Variants in SLC20A1 observed in about 807,000 individuals in gnomAD.
SLC20A1 encodes sodium-dependent phosphate transporter 1.
In SLC20A1, 28 loss-of-function variants were observed where a neutral mutation model predicts 62.7. The ratio of observed to expected loss-of-function variants is 0.45; its 90% CI spans 0.33 to 0.61. The LOEUF (loss-of-function observed/expected upper bound fraction) is 0.61. SLC20A1 is among the 20% of genes least tolerant of loss of function. The pLI is 0.02. For missense variants in SLC20A1, 673 were observed against 838.6 expected (o/e 0.80, Z 2.44); for synonymous variants, 305 against 302.9 (o/e 1.01, Z -0.07).
At position 112,647,465 on chromosome 2, in the gene SLC20A1, G is replaced by T. The variant is rs865868987; in HGVS notation, c.475+1G>T. 1 of 1,608,890 alleles carries T rather than the reference G, an allele frequency of 6.2e-7. No homozygotes were observed. The highest frequency in any genetic ancestry group is 8.5e-7 in the Non-Finnish European group (1 of 1,178,628). On this transcript the variant is annotated splice_donor_variant, in intron 3 of 10. Coordinates refer to ENST00000272542, the MANE Select transcript of SLC20A1 (RefSeq NM_005415.5). LOFTEE classifies it high-confidence loss of function. ...AAGTGGTCTGAACTGATAAAAATTGGTATGTTTAATTCCAAACGGCTTCTT... is the reference window on the plus strand; with the variant it reads ...AAGTGGTCTGAACTGATAAAAATTGTTATGTTTAATTCCAAACGGCTTCTT...
chr2:112,662,551 G>C (rs895320794), intron 10 of SLC20A1, among the ~76,000 whole-genome samples: 2 of 152,214 alleles, frequency 1.3e-5, no homozygotes, highest in Non-Finnish European at 2.9e-5. Flanking sequence ...CTGTACTCCA[G>C]CCTGGGCGAC....
At chr2:112,660,976 G>A (rs906477376) in intron 9 of SLC20A1, 166 bp from the exon 10 acceptor site, 3 of 509,248 alleles carry the variant, frequency 5.9e-6, no homozygotes, top group Non-Finnish European at 1.0e-5. Context: ...GGCATCTGTG[G>A]CCTGATTTAA....
Position 112,646,810 on chromosome 2 carries a change from A to T in SLC20A1, c.-19A>T, listed in dbSNP as rs766390210. 6.3e-7 allele frequency: 1 copy of T among 1,584,196 alleles called. No homozygotes were observed. Among genetic ancestry groups the T allele is most frequent in the Non-Finnish European group, 8.6e-7 (1 of 1,161,134 alleles). ...AGGCGCTCAGTAGTTCTCTTACTAA[A>T]CAACCACTACTCCAGAGAATGGCAA... On this transcript the variant is annotated 5_prime_UTR_variant, in exon 2 of 11. Transcript: ENST00000272542.
Position 112,659,052 on chromosome 2 carries a change from G to A in SLC20A1, c.1006G>A (p.Val336Met), listed in dbSNP as rs758464142. 20 of 1,614,164 alleles carry A rather than the reference G, an allele frequency of 1.2e-5. No homozygotes were observed. The highest frequency in any genetic ancestry group is 1.4e-5 in the Non-Finnish European group (16 of 1,180,034). Residue 336 changes from valine (V) to methionine (M), a missense_variant, in exon 7 of 11, where the codon GTG becomes ATG. Coordinates refer to ENST00000272542, the MANE Select transcript of SLC20A1 (RefSeq NM_005415.5). ...EAPERERLPS[V>M]DLKEETSIDS... ...TCCAGAGAGAGAGAGGCTTCCCAGC[G>A]TGGACTTGAAAGAGGAAACCAGCAT...
At chr2:112,653,048 T>C (rs1686483502) in intron 5 of SLC20A1, 3 of 815,818 alleles carry the variant, frequency 3.7e-6, no homozygotes, top group Non-Finnish European at 3.9e-6. Context: ...GATCCACTGA[T>C]AATATGATCA....
chr2:112,650,989 T>A (rs1418711448), intron 4 of SLC20A1, among the ~76,000 whole-genome samples: 1 of 152,248 alleles, frequency 6.6e-6, no homozygotes, highest in East Asian at 1.9e-4. Context: ...CTAATCTTGT[T>A]GACTGCCCTC....
At chr2:112,650,005 T>C (rs1686392383) in intron 4 of SLC20A1, among the ~76,000 whole-genome samples, 1 of 152,122 alleles carries the variant, frequency 6.6e-6, no homozygotes, top group Non-Finnish European at 1.5e-5. Context: ...TCCTAGACTC[T>C]CTGGAACTTT....
intron 6 of SLC20A1, 86 bp from the exon 7 acceptor site, chr2:112,658,739 G>A: frequency 7.0e-7 from 1 of 1,431,724 alleles, no homozygotes; most frequent in Non-Finnish European, 9.4e-7. Context: ...TTTGAGATGA[G>A]TTTTTTGGGG....
chr2:112,651,188 T>C (rs1479087062), intron 4 of SLC20A1, among the ~76,000 whole-genome samples: 1 of 152,230 alleles, frequency 6.6e-6, no homozygotes, highest in East Asian at 1.9e-4. Context: ...GTACCTTTAC[T>C]TTACACATGG....
rs116332872 is a variant in SLC20A1 at position 112,661,350 on chromosome 2, G to A, written c.1878+124G>A. 79 of 626,796 alleles carry A rather than the reference G, an allele frequency of 1.3e-4. No homozygotes were observed. In the African/African-American group the frequency reaches 1.4e-3, roughly 11 times the overall value. The allele number at this position is 626,796 out of a possible 1,614,324, so 38.8% of individuals were successfully genotyped here. On this transcript the variant is annotated intron_variant, in intron 10 of 10. Coordinates refer to ENST00000272542, the MANE Select transcript of SLC20A1 (RefSeq NM_005415.5). ...AGTTGGAGTCTTGAAGAGTTCATAA[G>A]TTATTTCTTGTGTTTATTCTTATTT...
chr2:112,660,531 C>T lies in SLC20A1; in HGVS notation c.1752C>T (p.Ile584=). The change falls in exon 9 of 11, where the codon ATC becomes ATT. Residue 584 remains isoleucine, a synonymous_variant. Coordinates refer to ENST00000272542, the MANE Select transcript of SLC20A1 (RefSeq NM_005415.5). ...TGTGGGTTTGGGGAAGAAGAGTTAT[C>T]CAGACCATGGGGAAGGATCTGACAC... is the stretch of plus-strand genomic sequence containing the variant. ...VGLWVWGRRV[I]QTMGKDLTPI... is the part of the protein sequence containing the mutation. 1 of 1,614,068 alleles carries T rather than the reference C, an allele frequency of 6.2e-7. No individual in the cohort carries two copies. Among genetic ancestry groups the T allele is most frequent in the Non-Finnish European group, 8.5e-7 (1 of 1,180,012 alleles).
At chr2:112,655,024 A>G (rs1420966407) in intron 5 of SLC20A1, among the ~76,000 whole-genome samples, 1 of 127,500 alleles carries the variant, frequency 7.8e-6, no homozygotes, top group East Asian at 2.6e-4. Flanking sequence ...GTTGGAGTGC[A>G]GTGGTGCGAA....
At chr2:112,660,081 G>A (rs752457159) in intron 8 of SLC20A1, among the ~76,000 whole-genome samples, 17 of 152,216 alleles carry the variant, frequency 1.1e-4, no homozygotes, top group Non-Finnish European at 1.8e-4. Flanking sequence ...AAACTTAAAA[G>A]TTTTTCATAT....
At position 112,659,674 on chromosome 2, in the gene SLC20A1, G is replaced by T. The variant is rs780482482; in HGVS notation, c.1519G>T (p.Asp507Tyr). Residue 507 changes from aspartate to tyrosine, a missense_variant, in exon 8 of 11, where the codon GAT becomes TAT. Coordinates refer to ENST00000272542, the MANE Select transcript of SLC20A1 (RefSeq NM_005415.5). ...NGSLEEWYDQDKPEVSLLFQF... is the reference protein window; with the variant it reads ...NGSLEEWYDQYKPEVSLLFQF... The stretch of plus-strand genomic sequence containing the variant: ...CTCTCTAGAAGAATGGTATGACCAG[G>T]ATAAGCCTGAAGTCTCTCTCCTCTT... 6.2e-7 allele frequency: 1 copy of T among 1,614,232 alleles called. No individual in the cohort carries two copies. Among genetic ancestry groups the T allele is most frequent in the South Asian group, 1.1e-5 (1 of 91,088 alleles).
intron 9 of SLC20A1, 141 bp downstream of exon 9, chr2:112,660,713 ATT>A: frequency 1.4e-6 from 1 of 737,844 alleles, no homozygotes; most frequent in Non-Finnish European, 2.1e-6. Context: ...TTCTTTTTAG[ATT>A]TTACTTGTCT....
At chr2:112,662,336 CT>C (rs1361745764) in intron 10 of SLC20A1, among the ~76,000 whole-genome samples, 2 of 152,194 alleles carry the variant, frequency 1.3e-5, no homozygotes, top group African/African-American at 2.4e-5. Context: ...AATCCCAGCA[CT>C]TTGGGAGGCC....
At chr2:112,662,424 A>G (rs1686774148) in intron 10 of SLC20A1, among the ~76,000 whole-genome samples, 1 of 150,700 alleles carries the variant, frequency 6.6e-6, no homozygotes, top group Non-Finnish European at 1.5e-5. Context: ...TACTAAAAAT[A>G]CAAAAAATTA....
At chr2:112,648,941 A>G (rs1000280337) in intron 4 of SLC20A1, among the ~76,000 whole-genome samples, 1 of 152,220 alleles carries the variant, frequency 6.6e-6, no homozygotes, top group Non-Finnish European at 1.5e-5. Context: ...TTTCATTAGA[A>G]CTGTATATCT....
At chr2:112,650,743 C>T (rs535709451) in intron 4 of SLC20A1, among the ~76,000 whole-genome samples, 181 of 152,254 alleles carry the variant, frequency 1.2e-3, no homozygotes, top group African/African-American at 4.2e-3. Context: ...CCTGCCTCAG[C>T]CTCCAGAGTA....
Sources: allele counts gnomAD v4.1 joint callset (sites outside exome capture counted in the v4.1 genomes callset), GRCh38; gene constraint gnomAD v4.1.1; transcripts MANE v1.5; gene names NCBI Gene and HGNC (gene_info 2026-07-23, HGNC 2026-07-21).